Variants in MRAP2 observed in about 807,000 individuals in gnomAD.
MRAP2 encodes the protein melanocortin 2 receptor accessory protein 2.
MRAP2 carries 20 observed loss-of-function variants against 17.4 expected under a neutral mutation model. The ratio of observed to expected loss-of-function variants is 1.15; its 90% CI spans 0.81 to 1.67. The LOEUF (loss-of-function observed/expected upper bound fraction) is 1.67. MRAP2 is among the 40% of genes most tolerant of loss of function. The probability of loss-of-function intolerance (pLI) is 0.00; values close to 1 mark genes in which losing one functional copy is unlikely to be tolerated. For synonymous variants in MRAP2, 96 were observed against 88.4 expected, an observed-to-expected ratio of 1.09 and a Z score of -0.48; for missense variants, 238 against 240.0, an observed-to-expected ratio of 0.99 and a Z score of 0.05.
the MRAP2 span, among the ~76,000 whole-genome samples, chr6:84,111,925 G>A: frequency 6.6e-6 from 1 of 152,168 alleles, no homozygotes; most frequent in African/African-American, 2.4e-5. Context: ...TGCATATGTT[G>A]AATCAGCCTT....
chr6:84,120,774 C>G, the MRAP2 span, among the ~76,000 whole-genome samples: 1 of 152,102 alleles, frequency 6.6e-6, no homozygotes, highest in African/African-American at 2.4e-5. Context: ...TGCAGCTATA[C>G]ATTAATAGGC....
intron 2 of MRAP2, among the ~76,000 whole-genome samples, chr6:84,061,471 T>C (rs190099340): frequency 1.8e-4 from 28 of 152,330 alleles, no homozygotes; most frequent in Admixed American, 1.6e-3. Context: ...TTATCCAAGA[T>C]AGGACCAAGG....
the MRAP2 span, among the ~76,000 whole-genome samples, chr6:84,121,378 T>C: frequency 6.6e-6 from 1 of 152,182 alleles, no homozygotes; most frequent in African/African-American, 2.4e-5. Flanking sequence ...GCATGGTGGC[T>C]CACACCTGTA....
chr6:84,106,540 G>A, the MRAP2 span, among the ~76,000 whole-genome samples: 1 of 152,130 alleles, frequency 6.6e-6, no homozygotes, highest in East Asian at 1.9e-4. Context: ...TGTGAGTGGA[G>A]GTCCATGTTG....
intron 1 of MRAP2, among the ~76,000 whole-genome samples, chr6:84,042,880 G>A (rs2099487995): frequency 6.6e-6 from 1 of 152,188 alleles, no homozygotes; most frequent in Non-Finnish European, 1.5e-5. Context: ...ATAAACCACT[G>A]CTTTAACTTA....
the MRAP2 span, among the ~76,000 whole-genome samples, chr6:84,133,079 G>A: frequency 1.5e-3 from 231 of 152,242 alleles, no homozygotes; most frequent in Non-Finnish European, 2.6e-3. Flanking sequence ...CCTTCTAACC[G>A]TCAGGACCCT....
intron 1 of MRAP2, among the ~76,000 whole-genome samples, chr6:84,044,402 G>A (rs1055878827): frequency 6.6e-6 from 1 of 152,178 alleles, no homozygotes; most frequent in Non-Finnish European, 1.5e-5. Context: ...GGTCAGGCTG[G>A]TCTTGAACTC....
At chr6:84,112,506 T>C in the MRAP2 span, among the ~76,000 whole-genome samples, 6 of 152,244 alleles carry the variant, frequency 3.9e-5, no homozygotes, top group Admixed American at 3.9e-4. Context: ...TCTTCTTTAT[T>C]AGTCTGGCTA....
the MRAP2 span, among the ~76,000 whole-genome samples, chr6:84,134,175 C>T: frequency 6.6e-6 from 1 of 152,198 alleles, no homozygotes; most frequent in Non-Finnish European, 1.5e-5. Context: ...AAACTGCTTA[C>T]TCAAGCCTCA....
At chr6:84,098,686 A>G in the MRAP2 span, among the ~76,000 whole-genome samples, 2 of 152,046 alleles carry the variant, frequency 1.3e-5, no homozygotes, top group Non-Finnish European at 2.9e-5. Context: ...GTAGTATGTC[A>G]TTTTTCAATT....
chr6:84,094,252 G>T (rs1025345321), downstream of MRAP2, among the ~76,000 whole-genome samples: 6 of 152,134 alleles, frequency 3.9e-5, no homozygotes, highest in African/African-American at 1.4e-4. Flanking sequence ...AGCAAAGGTT[G>T]CCTAGTCACA....
the MRAP2 span, among the ~76,000 whole-genome samples, chr6:84,137,252 A>G: frequency 6.6e-6 from 1 of 152,232 alleles, no homozygotes; most frequent in Non-Finnish European, 1.5e-5. Flanking sequence ...GCCTGTATCC[A>G]GCATGCCAAG....
At chr6:84,122,151 A>G in the MRAP2 span, among the ~76,000 whole-genome samples, 1 of 152,086 alleles carries the variant, frequency 6.6e-6, no homozygotes, top group Non-Finnish European at 1.5e-5. Flanking sequence ...AAGAGCTAGT[A>G]TCAATCTTAT....
intron 2 of MRAP2, chr6:84,062,352 A>G (rs1186779136): frequency 1.2e-5 from 3 of 244,234 alleles, no homozygotes; most frequent in South Asian, 3.1e-4. Context: ...TTTTCTGTAC[A>G]TCATTTTCCT....
At chr6:84,050,677 G>T (rs1035009557) in intron 1 of MRAP2, among the ~76,000 whole-genome samples, 8 of 152,248 alleles carry the variant, frequency 5.3e-5, no homozygotes, top group Admixed American at 3.3e-4. Context: ...TTGTGCGGGG[G>T]ACAGTCATTC....
At chr6:84,141,800 A>ACCAAC in the MRAP2 span, among the ~76,000 whole-genome samples, 1 of 152,130 alleles carries the variant, frequency 6.6e-6, no homozygotes, top group South Asian at 2.1e-4. Flanking sequence ...GAGCTCCATC[A>ACCAAC]TCAACTCCTT....
At chr6:84,124,626 A>G in the MRAP2 span, 1 of 204,300 alleles carries the variant, frequency 4.9e-6, no homozygotes, top group Admixed American at 6.2e-5. Flanking sequence ...CCTGTTGGGT[A>G]CAGTGTTTAA....
At chr6:84,106,545 A>C in the MRAP2 span, among the ~76,000 whole-genome samples, 1 of 152,116 alleles carries the variant, frequency 6.6e-6, no homozygotes, top group Middle Eastern at 3.2e-3. Flanking sequence ...GTGGAGGTCC[A>C]TGTTGTTGAG....
intron 2 of MRAP2, among the ~76,000 whole-genome samples, chr6:84,060,680 G>T (rs949060451): frequency 6.6e-6 from 1 of 151,236 alleles, no homozygotes; most frequent in Non-Finnish European, 1.5e-5. Flanking sequence ...TTTGGTATTT[G>T]TCCTTACATC....
Sources: gnomAD v4.1 joint callset for allele counts (sites outside exome capture counted in the v4.1 genomes callset) on GRCh38, gnomAD v4.1.1 for gene constraint, MANE v1.5 for transcripts, NCBI Gene and HGNC (gene_info 2026-07-23, HGNC 2026-07-21) for gene names.